DCAF7: variants seen among roughly 807,000 people sequenced by gnomAD.
DCAF7 encodes the protein DDB1- and CUL4-associated factor 7.
In DCAF7, 4 loss-of-function variants were observed where a neutral mutation model predicts 41.2. That is an observed-to-expected ratio of 0.10 (90% CI 0.05 to 0.22). The LOEUF (loss-of-function observed/expected upper bound fraction) is 0.22. DCAF7 is among the 10% of genes least tolerant of loss of function. The probability of loss-of-function intolerance (pLI) is 1.00; values close to 1 mark genes in which losing one functional copy is unlikely to be tolerated. For synonymous variants in DCAF7, 143 were observed against 164.2 expected, an observed-to-expected ratio of 0.87 and a Z score of 0.99; for missense variants, 131 against 443.2, an observed-to-expected ratio of 0.30 and a Z score of 6.32.
Position 63,583,976 on chromosome 17 carries a change from C to T in DCAF7, c.738+265C>T, listed in dbSNP as rs535701050. On this transcript the variant is annotated intron_variant, in intron 5 of 6. Transcript: ENST00000614556. ...ATCCTACCTAAAATGACAGCAGTCC[C>T]GGGACTGAGAAAGCCTAATCTGGAA... Among the ~76,000 whole-genome samples, 65 of 152,198 alleles carry T rather than the reference C, an allele frequency of 4.3e-4. 1 individual carries two copies. The highest frequency in any genetic ancestry group is 3.4e-3 in the Middle Eastern group (1 of 294).
intron 1 of DCAF7, among the ~76,000 whole-genome samples, chr17:63,558,101 C>A (rs994068401): frequency 6.6e-6 from 1 of 152,128 alleles, no homozygotes; most frequent in African/African-American, 2.4e-5. Flanking sequence ...TGCCATGTTG[C>A]CCAGGCTGGT....
chr17:63,586,535 G>A (rs962439708), intron 6 of DCAF7, among the ~76,000 whole-genome samples: 8 of 152,126 alleles, frequency 5.3e-5, no homozygotes, highest in Non-Finnish European at 7.4e-5. Context: ...GGAGGCCGAG[G>A]CAGGTGGATC....
chr17:63,591,630 G>C lies in DCAF7; in HGVS notation c.*2458G>C, dbSNP rs908236730. 6 of 152,268 alleles carry C rather than the reference G, an allele frequency of 3.9e-5. No homozygotes were observed. The highest frequency in any genetic ancestry group is 1.4e-4 in the African/African-American group (6 of 41,454). 9.4% of individuals were successfully genotyped at this position (152,268 alleles called of 1,614,324 possible). A position where few individuals can be genotyped will look rare whatever the true frequency, so the allele number is the denominator to read the frequency against. Reference sequence around the variant, plus strand: ...TCCACCAGCCCGACGACCCATGACTGAGGAGGGGATTTCTACAGTCTCAGG... The same window carrying C: ...TCCACCAGCCCGACGACCCATGACTCAGGAGGGGATTTCTACAGTCTCAGG... On this transcript the variant is annotated 3_prime_UTR_variant, in exon 7 of 7. Coordinates refer to ENST00000614556, the MANE Select transcript of DCAF7 (RefSeq NM_005828.5).
chr17:63,561,361 T>G (rs978053376), intron 1 of DCAF7, among the ~76,000 whole-genome samples: 3 of 152,166 alleles, frequency 2.0e-5, no homozygotes, highest in African/African-American at 7.2e-5. Context: ...GCAAAAATTT[T>G]GTAAATATAG....
At position 63,589,292 on chromosome 17, in the gene DCAF7, CTG is replaced by C. The variant is rs774239563; in HGVS notation, c.*122_*123del. On this transcript the variant is annotated 3_prime_UTR_variant, in exon 7 of 7. Transcript: ENST00000614556. Reference sequence around the variant, plus strand: ...TATGTCTTTCATTGCTTTGCACCCACTGTTACCAGAAGCTGCTCTAGGAGTTC... The same window carrying C: ...TATGTCTTTCATTGCTTTGCACCCACTTACCAGAAGCTGCTCTAGGAGTTC... 7.4e-7 allele frequency: 1 copy of C among 1,355,808 alleles called. No homozygotes were observed. Among genetic ancestry groups the C allele is most frequent in the South Asian group, 1.2e-5 (1 of 82,018 alleles). The allele number at this position is 1,355,808 out of a possible 1,614,324, so 84.0% of individuals were successfully genotyped here. A position where few individuals can be genotyped will look rare whatever the true frequency, so the allele number is the denominator to read the frequency against.
intron 1 of DCAF7, among the ~76,000 whole-genome samples, chr17:63,571,780 G>C (rs2033509432): frequency 6.6e-6 from 1 of 151,960 alleles, no homozygotes; most frequent in Admixed American, 6.6e-5. Flanking sequence ...TTCAGAGATT[G>C]TCAAACTTTG....
At chr17:63,563,753 T>C (rs2033408472) in intron 1 of DCAF7, among the ~76,000 whole-genome samples, 1 of 152,018 alleles carries the variant, frequency 6.6e-6, no homozygotes, top group African/African-American at 2.4e-5. Context: ...AGGTGGAGGT[T>C]GCAGTGAGCT....
chr17:63,583,749 A>G lies in DCAF7; in HGVS notation c.738+38A>G, dbSNP rs760759283. On this transcript the variant is annotated intron_variant, in intron 5 of 6. Transcript: ENST00000614556. Reference sequence around the variant, plus strand: ...CTCAGGCTACCATGGGCCCTGCCTAACTCCAGCACTGCTTAGTATATCTAG... The same window carrying G: ...CTCAGGCTACCATGGGCCCTGCCTAGCTCCAGCACTGCTTAGTATATCTAG... 17 of 1,589,758 alleles carry G rather than the reference A, an allele frequency of 1.1e-5. No homozygotes were observed. In the South Asian group the frequency reaches 1.8e-4, roughly 17 times the overall value.
At chr17:63,579,612 G>A (rs2033597699) in intron 3 of DCAF7, among the ~76,000 whole-genome samples, 164 bp downstream of exon 3, 1 of 152,160 alleles carries the variant, frequency 6.6e-6, no homozygotes, top group African/African-American at 2.4e-5. Context: ...CTTTCCGTGT[G>A]TATAGATCTT....
At chr17:63,575,851 T>C (rs1157234844) in intron 1 of DCAF7, among the ~76,000 whole-genome samples, 1 of 152,216 alleles carries the variant, frequency 6.6e-6, no homozygotes, top group Non-Finnish European at 1.5e-5. Flanking sequence ...TTCGACAAGC[T>C]GATTGTAAAA....
chr17:63,550,945 C>G lies in DCAF7; in HGVS notation c.138+130C>G, dbSNP rs2033245547. ...TAGGGCCACGGAGCGGTTCCTCTGT[C>G]TGGCCCTGTGCTGAAGGTTTCGTAC... is the stretch of plus-strand genomic sequence containing the variant. On this transcript the variant is annotated intron_variant, in intron 1 of 6. Transcript: ENST00000614556. This position sits in a 1 kb window ranked among gnomAD's most constrained non-coding sequence, Gnocchi z 4.8. The G allele has an allele frequency of 7.2e-7, 1 of 1,397,772 alleles. No individual in the cohort carries two copies. Among genetic ancestry groups the G allele is most frequent in the Non-Finnish European group, 9.5e-7 (1 of 1,054,352 alleles). The allele number at this position is 1,397,772 out of a possible 1,614,324, so 86.6% of individuals were successfully genotyped here. A position where few individuals can be genotyped will look rare whatever the true frequency, so the allele number is the denominator to read the frequency against.
At chr17:63,579,248 G>C in intron 2 of DCAF7, 89 bp from the exon 3 acceptor site, 2 of 847,856 alleles carry the variant, frequency 2.4e-6, no homozygotes, top group South Asian at 1.7e-5. Flanking sequence ...TCTTATGTTT[G>C]CTAAGATATT....
chr17:63,550,617 C>A lies in DCAF7; in HGVS notation c.-61C>A, dbSNP rs893424615. The A allele has an allele frequency of 1.3e-6, 2 of 1,593,930 alleles. No homozygotes were observed. The highest frequency in any genetic ancestry group is 1.7e-6 in the Non-Finnish European group (2 of 1,169,242). On this transcript the variant is annotated 5_prime_UTR_variant, in exon 1 of 7. Coordinates refer to ENST00000614556, the MANE Select transcript of DCAF7 (RefSeq NM_005828.5). This position sits in a 1 kb window ranked among gnomAD's most constrained non-coding sequence, Gnocchi z 4.8. Reference sequence around the variant, plus strand: ...CCTTCGGACCCATAGATCTCAGGCTCGGCTCCCCGCCCGCCGCAGCCCACT... The same window carrying A: ...CCTTCGGACCCATAGATCTCAGGCTAGGCTCCCCGCCCGCCGCAGCCCACT...
chr17:63,561,095 C>T (rs762769145), intron 1 of DCAF7, among the ~76,000 whole-genome samples: 1 of 151,826 alleles, frequency 6.6e-6, no homozygotes, highest in African/African-American at 2.4e-5. Context: ...CATGGTGAAA[C>T]CTTGTCTCAA....
chr17:63,584,233 G>T (rs1006032280), intron 5 of DCAF7, among the ~76,000 whole-genome samples: 8 of 152,238 alleles, frequency 5.3e-5, no homozygotes, highest in Non-Finnish European at 2.9e-5. Flanking sequence ...ACTTTGGGAG[G>T]CTGAGGCAGG....
At chr17:63,559,346 T>C (rs969113513) in intron 1 of DCAF7, among the ~76,000 whole-genome samples, 59 of 132,774 alleles carry the variant, frequency 4.4e-4, no homozygotes, top group Middle Eastern at 3.8e-3. Flanking sequence ...TACATATATA[T>C]ACGTATATAT....
intron 1 of DCAF7, among the ~76,000 whole-genome samples, chr17:63,572,286 C>G (rs909036783): frequency 1.3e-5 from 2 of 152,148 alleles, no homozygotes; most frequent in Admixed American, 6.5e-5. Context: ...CAAAGTCTTA[C>G]AGCTAGCAGG....
intron 2 of DCAF7, among the ~76,000 whole-genome samples, chr17:63,579,036 G>A (rs1343153610): frequency 6.6e-6 from 1 of 152,170 alleles, no homozygotes. Flanking sequence ...CAGCAGCAGC[G>A]TCCTCTGTAG....
chr17:63,564,959 G>A (rs1284208063), intron 1 of DCAF7, among the ~76,000 whole-genome samples: 1 of 152,208 alleles, frequency 6.6e-6, no homozygotes, highest in Non-Finnish European at 1.5e-5. Flanking sequence ...CTAACAATTT[G>A]TAACAGTACA....
Sources: allele counts gnomAD v4.1 joint callset (sites outside exome capture counted in the v4.1 genomes callset), GRCh38; gene constraint gnomAD v4.1.1; non-coding constraint Gnocchi (gnomAD v3.1); transcripts MANE v1.5; gene names NCBI Gene and HGNC (gene_info 2026-07-23, HGNC 2026-07-21).